The following ZNF385D variants were observed in gnomAD, a reference collection of about 807,000 sequenced individuals.
The protein encoded by ZNF385D is zinc finger protein 385D.
In ZNF385D, 15 loss-of-function variants were observed where a neutral mutation model predicts 35.8. The observed-to-expected ratio is 0.42, with a 90% CI of 0.28 to 0.64. The LOEUF (loss-of-function observed/expected upper bound fraction) is 0.64. Among genes scored for constraint, ZNF385D ranks in the 30% least tolerant of loss-of-function variants. The pLI is 0.23. For synonymous variants in ZNF385D, 212 were observed against 186.8 expected, an observed-to-expected ratio of 1.13 and a Z score of -1.10; for missense variants, 474 against 494.6, an observed-to-expected ratio of 0.96 and a Z score of 0.39.
chr3:21,864,328 T>C (rs1303748732), intron 3 of ZNF385D, among the ~76,000 whole-genome samples: 4 of 152,106 alleles, frequency 2.6e-5, no homozygotes, highest in African/African-American at 7.2e-5. Flanking sequence ...AAAAAGGGAA[T>C]GCAGCGGATG....
At chr3:22,114,608 C>T (rs1322996864) in intron 3 of ZNF385D, among the ~76,000 whole-genome samples, 1 of 152,044 alleles carries the variant, frequency 6.6e-6, no homozygotes, top group Non-Finnish European at 1.5e-5. Flanking sequence ...GCAAATGGGG[C>T]TCAATCCCAC....
chr3:22,085,161 G>A (rs562259436), intron 3 of ZNF385D, among the ~76,000 whole-genome samples: 5 of 150,080 alleles, frequency 3.3e-5, no homozygotes, highest in Middle Eastern at 3.4e-3. Context: ...TCACAATTAA[G>A]AATAAACTAG....
chr3:21,960,902 C>A (rs748905589), intron 3 of ZNF385D, among the ~76,000 whole-genome samples: 1 of 151,840 alleles, frequency 6.6e-6, no homozygotes, highest in African/African-American at 2.4e-5. Flanking sequence ...AGAGTAGAAT[C>A]GTGGGTATTA....
At chr3:21,966,605 G>A (rs475648) in intron 3 of ZNF385D, among the ~76,000 whole-genome samples, 2 of 152,016 alleles carry the variant, frequency 1.3e-5, no homozygotes, top group African/African-American at 2.4e-5. Flanking sequence ...TGTTTGAGAC[G>A]CAGTCACACT....
intron 3 of ZNF385D, among the ~76,000 whole-genome samples, chr3:21,902,418 T>C (rs925016310): frequency 6.6e-6 from 1 of 152,156 alleles, no homozygotes. Flanking sequence ...AGGGATGATG[T>C]GACTTTGCCA....
At chr3:21,912,949 G>T (rs1018660022) in intron 3 of ZNF385D, among the ~76,000 whole-genome samples, 18 of 152,024 alleles carry the variant, frequency 1.2e-4, no homozygotes, top group African/African-American at 4.3e-4. Flanking sequence ...CAATCTTACT[G>T]TGGTTTAAGA....
At chr3:22,165,244 T>C (rs1420321456) in intron 3 of ZNF385D, among the ~76,000 whole-genome samples, 2 of 152,202 alleles carry the variant, frequency 1.3e-5, no homozygotes, top group African/African-American at 4.8e-5. Context: ...CGGAAGGCTG[T>C]GTGTGAAGGA....
intron 3 of ZNF385D, among the ~76,000 whole-genome samples, chr3:21,869,763 TTATAC>T (rs557584956): frequency 3.1e-3 from 472 of 152,256 alleles, no homozygotes; most frequent in African/African-American, 0.011. Context: ...GATTAGAATC[TTATAC>T]TATAAGACAG....
chr3:22,091,036 G>A (rs1436782450), intron 3 of ZNF385D, among the ~76,000 whole-genome samples: 6 of 152,178 alleles, frequency 3.9e-5, no homozygotes, highest in African/African-American at 1.4e-4. Flanking sequence ...GGTGGGACAT[G>A]TGTGGGAGTG....
chr3:21,798,135 G>A (rs1252476077), intron 3 of ZNF385D, among the ~76,000 whole-genome samples: 6 of 152,144 alleles, frequency 3.9e-5, no homozygotes, highest in South Asian at 4.1e-4. Flanking sequence ...TGGGGTATAG[G>A]AATATGGGAA....
At chr3:22,151,005 G>A (rs867295962) in intron 3 of ZNF385D, among the ~76,000 whole-genome samples, 3 of 152,160 alleles carry the variant, frequency 2.0e-5, no homozygotes, top group African/African-American at 7.2e-5. Context: ...TCTATCTAGA[G>A]AGAGAAGCTG....
At chr3:21,679,325 AATTTTT>A (rs1314664225) in intron 1 of ZNF385D, among the ~76,000 whole-genome samples, 1 of 151,994 alleles carries the variant, frequency 6.6e-6, no homozygotes, top group Non-Finnish European at 1.5e-5. Context: ...TATTTTATTA[AATTTTT>A]ATTTTATTAG....
chr3:21,459,073 G>A (rs1185350753), intron 4 of ZNF385D, among the ~76,000 whole-genome samples: 1 of 152,100 alleles, frequency 6.6e-6, no homozygotes, highest in African/African-American at 2.4e-5. Flanking sequence ...AGGGTAAGAG[G>A]GGAGCACAGG....
chr3:22,329,455 G>C (rs1376656108), intron 2 of ZNF385D, among the ~76,000 whole-genome samples: 1 of 152,068 alleles, frequency 6.6e-6, no homozygotes, highest in Non-Finnish European at 1.5e-5. Flanking sequence ...CTTTATACCT[G>C]AGGTTCTTCA....
chr3:22,187,399 ATAAT>A (rs1169255458), intron 2 of ZNF385D, among the ~76,000 whole-genome samples: 7 of 152,196 alleles, frequency 4.6e-5, no homozygotes, highest in African/African-American at 1.4e-4. Flanking sequence ...ATTTAAGACC[ATAAT>A]TAATTTAGAA....
intron 4 of ZNF385D, among the ~76,000 whole-genome samples, chr3:21,458,248 G>A (rs1253454415): frequency 6.7e-6 from 1 of 149,676 alleles, no homozygotes; most frequent in Admixed American, 6.7e-5. Flanking sequence ...CAAGGCAAGA[G>A]AATCACTTGA....
At chr3:22,325,506 A>T (rs1052953877) in intron 2 of ZNF385D, among the ~76,000 whole-genome samples, 2 of 152,194 alleles carry the variant, frequency 1.3e-5, no homozygotes, top group Non-Finnish European at 2.9e-5. Context: ...ATGCACGCCT[A>T]TAGTCCCAGC....
chr3:21,729,710 C>T (rs1041913468), intron 1 of ZNF385D, among the ~76,000 whole-genome samples: 2 of 152,086 alleles, frequency 1.3e-5, no homozygotes, highest in African/African-American at 4.8e-5. Context: ...GCCCAGAAAG[C>T]TAGGGCAAAA....
chr3:22,197,188 G>C (rs1409328381), intron 2 of ZNF385D, among the ~76,000 whole-genome samples: 1 of 151,856 alleles, frequency 6.6e-6, no homozygotes, highest in African/African-American at 2.4e-5. Flanking sequence ...AATTTATTCT[G>C]CTTGGTGTTT....
Sources: allele counts gnomAD v4.1 joint callset (sites outside exome capture counted in the v4.1 genomes callset), GRCh38; gene constraint gnomAD v4.1.1; transcripts MANE v1.5; gene names NCBI Gene and HGNC (gene_info 2026-07-23, HGNC 2026-07-21).